RUNX3: variants seen among roughly 807,000 people sequenced by gnomAD.
The protein encoded by RUNX3 is RUNX family transcription factor 3.
RUNX3 carries 10 observed loss-of-function variants against 27.7 expected under a neutral mutation model. The ratio of observed to expected loss-of-function variants is 0.36; its 90% CI spans 0.22 to 0.61. The LOEUF (loss-of-function observed/expected upper bound fraction) is 0.61. Ranked by LOEUF, RUNX3 falls within the 20% of genes least tolerant of loss-of-function variation. The pLI is 0.72. For synonymous variants in RUNX3, 270 were observed against 269.2 expected, an observed-to-expected ratio of 1.00 and a Z score of -0.03; for missense variants, 469 against 629.5, an observed-to-expected ratio of 0.75 and a Z score of 2.73.
rs537778433 is a variant in RUNX3, at chr1:24,904,541, G to A, written c.704-1875C>T. ...CCAGTTTTCATCTGGGGAGCCCCTC[G>A]GGGGGAGAGGTCCTGTTGCAGGTGC... On this transcript the variant is annotated intron_variant, in intron 4 of 4. Transcript: ENST00000308873. The surrounding 1 kb of genome is among the most constrained non-coding windows in gnomAD (Gnocchi z 5.7). 7.2e-5 allele frequency among the ~76,000 whole-genome samples: 11 copies of A among 152,302 alleles called. No homozygotes were observed. The highest frequency in any genetic ancestry group is 3.9e-4 in the East Asian group (2 of 5,186).
intron 3 of RUNX3, among the ~76,000 whole-genome samples, chr1:24,910,494 G>C (rs920190206): frequency 1.3e-5 from 2 of 152,170 alleles, no homozygotes; most frequent in Admixed American, 6.5e-5. Flanking sequence ...GGAAAAGCCT[G>C]TCGACCACTG....
intron 3 of RUNX3, 130 bp downstream of exon 3, chr1:24,919,110 T>C: frequency 1.7e-6 from 1 of 579,576 alleles, no homozygotes; most frequent in Non-Finnish European, 3.0e-6. Context: ...AGGCACGCAG[T>C]GTGTGGGGGC....
In RUNX3 at chr1:24,926,936, G is replaced by A. The variant is rs528338159; in HGVS notation, c.439+638C>T. Among the ~76,000 whole-genome samples, 25 of 83,258 alleles carry A rather than the reference G, an allele frequency of 3.0e-4. No individual in the cohort carries two copies. The South Asian group carries it at 7.9e-3, about 26-fold the overall frequency. The allele number at this position is 83,258 out of a possible 152,430, so 54.6% of individuals were successfully genotyped here. On this transcript the variant is annotated intron_variant, in intron 2 of 4. Transcript: ENST00000308873. ...TCCCATTCAACAGCCCCCCACCCCC[G>A]TCCCGCCTTCCTTCTGCTGCTCAAG...
At chr1:24,955,940 C>G (rs1030124449) in intron 2 of RUNX3, among the ~76,000 whole-genome samples, 2 of 152,372 alleles carry the variant, frequency 1.3e-5, no homozygotes, top group Admixed American at 6.5e-5. Context: ...AACCAATTCG[C>G]CCACCTCACA....
At chr1:24,911,237 C>T (rs1446689905) in intron 3 of RUNX3, among the ~76,000 whole-genome samples, 2 of 152,222 alleles carry the variant, frequency 1.3e-5, no homozygotes, top group Non-Finnish European at 2.9e-5. Flanking sequence ...GTGTTTTAGT[C>T]AGCCACAAGC....
intron 2 of RUNX3, among the ~76,000 whole-genome samples, chr1:24,939,971 T>C (rs1028042404): frequency 6.6e-5 from 10 of 152,220 alleles, no homozygotes; most frequent in African/African-American, 2.4e-4. Context: ...TAGGGCCATG[T>C]GACACCCCCA....
At chr1:24,956,576 C>A (rs971237692) in intron 2 of RUNX3, among the ~76,000 whole-genome samples, 1 of 152,142 alleles carries the variant, frequency 6.6e-6, no homozygotes, top group Admixed American at 6.5e-5. Flanking sequence ...TTTCTCCACC[C>A]CCCCTGGACC....
chr1:24,917,053 G>T (rs1337406573), intron 3 of RUNX3, among the ~76,000 whole-genome samples: 5 of 152,210 alleles, frequency 3.3e-5, no homozygotes, highest in African/African-American at 1.2e-4. Context: ...TCCCAGCAGG[G>T]CAGAGTGGGC....
Position 24,957,920 on chromosome 1 carries a change from G to A in RUNX3, c.58+6594C>T, listed in dbSNP as rs190336664. Among the ~76,000 whole-genome samples the A allele has an allele frequency of 2.8e-3, 434 of 152,374 alleles. 4 individuals are homozygous for A. Among genetic ancestry groups the A allele is most frequent in the Non-Finnish European group, 2.7e-3 (186 of 68,044 alleles). On this transcript the variant is annotated intron_variant, in intron 2 of 6. Coordinates refer to the RUNX3 transcript ENST00000338888. The stretch of plus-strand genomic sequence containing the variant: ...CATTTTACATTGCTTTCTCTCCGAA[G>A]AGTGCCTTCCTTTATCCCTGGGAGC...
At chr1:24,963,501 G>A (rs1448947275) in intron 2 of RUNX3, among the ~76,000 whole-genome samples, 2 of 152,166 alleles carry the variant, frequency 1.3e-5, no homozygotes, top group African/African-American at 4.8e-5. Flanking sequence ...CTTATACATG[G>A]TCCACCCCCA....
chr1:24,942,264 C>A (rs1314375562), intron 2 of RUNX3, among the ~76,000 whole-genome samples: 2 of 152,172 alleles, frequency 1.3e-5, no homozygotes, highest in African/African-American at 4.8e-5. Context: ...TCAACACACA[C>A]TTATTAGGCA....
chr1:24,934,469 C>T (rs899661411), upstream of RUNX3, among the ~76,000 whole-genome samples: 2 of 152,154 alleles, frequency 1.3e-5, no homozygotes, highest in African/African-American at 2.4e-5. Context: ...GCTGCCTGTG[C>T]GGTCTGAGAC....
intron 3 of RUNX3, among the ~76,000 whole-genome samples, chr1:24,908,874 G>T (rs1328774240): frequency 1.3e-5 from 2 of 152,208 alleles, no homozygotes; most frequent in Non-Finnish European, 2.9e-5. Flanking sequence ...GGGATCCCCA[G>T]AACATGCCTT....
Position 24,902,444 on chromosome 1 carries a change from G to A in RUNX3, c.926C>T (p.Pro309Leu), listed in dbSNP as rs769885411. Residue 309 changes from proline to leucine, a missense_variant, in exon 5 of 5, where the codon CCG becomes CTG. Around this residue, in one of 3 missense-constraint regions of RUNX3, gnomAD observed 279 missense variants for 343.0 expected, o/e 0.81. Coordinates refer to ENST00000308873, the MANE Select transcript of RUNX3 (RefSeq NM_004350.3). The surrounding 1 kb of genome is among the most constrained non-coding windows in gnomAD (Gnocchi z 9.2). Reference protein sequence around the residue: ...ATSRFHHTYLPPPYPGAPQNQ... With the variant: ...ATSRFHHTYLLPPYPGAPQNQ... ...CTGCGGGGCCCCCGGGTAGGGTGGC[G>A]GGAGGTAGGTATGGTGGAAGCGGCT... The A allele has an allele frequency of 2.5e-6, 4 of 1,609,028 alleles. No homozygotes were observed. The highest frequency in any genetic ancestry group is 8.5e-7 in the Non-Finnish European group (1 of 1,176,656).
chr1:24,960,797 G>A (rs763437341), intron 2 of RUNX3, among the ~76,000 whole-genome samples: 5 of 152,138 alleles, frequency 3.3e-5, no homozygotes, highest in East Asian at 1.9e-4. Flanking sequence ...ATTGTCAGAC[G>A]GGGAAACTGA....
At chr1:24,954,129 T>C (rs946461684) in intron 2 of RUNX3, among the ~76,000 whole-genome samples, 12 of 152,180 alleles carry the variant, frequency 7.9e-5, no homozygotes, top group African/African-American at 2.9e-4. Flanking sequence ...GCCTCACACA[T>C]GGAGGAAAGA....
In RUNX3 at chr1:24,913,413, G is replaced by A. The variant is rs373544279; in HGVS notation, c.544+5827C>T. ...TTGGGCAAGCCACTCTTGCCTTCTG[G>A]GCCTCAGCTGTCTTATCTGCAAAAT... On this transcript the variant is annotated intron_variant, in intron 3 of 4. Coordinates refer to ENST00000308873, the MANE Select transcript of RUNX3 (RefSeq NM_004350.3). Among the ~76,000 whole-genome samples, 6 of 152,380 alleles carry A rather than the reference G, an allele frequency of 3.9e-5. No individual in the cohort carries two copies. The East Asian group carries it at 1.2e-3, about 29-fold the overall frequency.
chr1:24,925,466 G>GT (rs1180910557), intron 2 of RUNX3, among the ~76,000 whole-genome samples: 3 of 152,176 alleles, frequency 2.0e-5, no homozygotes, highest in African/African-American at 7.2e-5. Flanking sequence ...TGATACACTT[G>GT]TGTCAATTTC....
At position 24,902,852 on chromosome 1, in the gene RUNX3, C is replaced by T. The variant is rs1337460333; in HGVS notation, c.704-186G>A. Among the ~76,000 whole-genome samples, 1 of 152,184 alleles carries T rather than the reference C, an allele frequency of 6.6e-6. No individual in the cohort carries two copies. Among genetic ancestry groups the T allele is most frequent in the Admixed American group, 6.5e-5 (1 of 15,286 alleles). On this transcript the variant is annotated intron_variant, in intron 4 of 4. Transcript: ENST00000308873. This position sits in a 1 kb window ranked among gnomAD's most constrained non-coding sequence, Gnocchi z 9.2. ...CGCCAGGACTCCGAACACAGACCTG[C>T]CGGGAAGCTGGTTGGAGCGTGCCCC...
Sources: allele counts gnomAD v4.1 joint callset (sites outside exome capture counted in the v4.1 genomes callset), GRCh38; gene constraint gnomAD v4.1.1; regional missense constraint gnomAD v4.1.1; non-coding constraint Gnocchi (gnomAD v3.1); transcripts MANE v1.5; gene names NCBI Gene and HGNC (gene_info 2026-07-23, HGNC 2026-07-21).